Variants in CCDC171 observed in about 807,000 individuals in gnomAD.
CCDC171 encodes coiled-coil domain containing 171, also known as coiled-coil domain-containing protein 171.
Under a neutral mutation model 168.2 loss-of-function variants are expected in CCDC171, and 177 were observed. That is an observed-to-expected ratio of 1.05 (90% CI 0.93 to 1.19). CCDC171 has a LOEUF of 1.19. Ranked by LOEUF, CCDC171 falls within the 50% of genes most tolerant of loss-of-function variation. The pLI, the probability that CCDC171 is intolerant of heterozygous loss-of-function variation, is 0.00. For missense variants in CCDC171, 1,991 were observed against 1,539.0 expected (o/e 1.29, Z -4.91); for synonymous variants, 687 against 540.8 (o/e 1.27, Z -3.75).
downstream of CCDC171, among the ~76,000 whole-genome samples, chr9:15,974,553 A>G (rs1163232203): frequency 6.6e-6 from 1 of 152,218 alleles, no homozygotes; most frequent in Non-Finnish European, 1.5e-5. Context: ...TATATCACCT[A>G]TCACTATTAA....
chr9:15,582,640 C>G lies in CCDC171; in HGVS notation c.352+3617C>G, dbSNP rs549930908. 4.1e-4 allele frequency among the ~76,000 whole-genome samples: 62 copies of G among 152,174 alleles called. 1 individual carries two copies. In the South Asian group the frequency reaches 0.011, roughly 28 times the overall value. On this transcript the variant is annotated intron_variant, in intron 4 of 25. Transcript: ENST00000380701. ...AGTTCATGTCCTTTGCAGGGACATG[C>G]ATGAAGCTGGAAACCATCATTCTCC...
At chr9:15,747,117 C>T (rs1480015174) in intron 18 of CCDC171, among the ~76,000 whole-genome samples, 2 of 152,188 alleles carry the variant, frequency 1.3e-5, no homozygotes, top group Non-Finnish European at 2.9e-5. Flanking sequence ...TGGTTTTATG[C>T]TCACAGTGTA....
chr9:15,597,934 G>A (rs2042505891), intron 6 of CCDC171, among the ~76,000 whole-genome samples: 1 of 152,152 alleles, frequency 6.6e-6, no homozygotes, highest in Non-Finnish European at 1.5e-5. Flanking sequence ...TATTTGCATA[G>A]AGGTGTTTAT....
intron 21 of CCDC171, among the ~76,000 whole-genome samples, chr9:15,830,298 A>G (rs1016999254): frequency 1.3e-5 from 2 of 152,178 alleles, no homozygotes; most frequent in Admixed American, 6.5e-5. Context: ...ATTGAGATTT[A>G]TTTTAGTTTT....
downstream of CCDC171, among the ~76,000 whole-genome samples, chr9:15,975,013 C>T (rs1831577124): frequency 6.6e-6 from 1 of 152,116 alleles, no homozygotes; most frequent in South Asian, 2.1e-4. Flanking sequence ...AAGTGATCCT[C>T]CCACCTCAGC....
chr9:15,686,636 C>T (rs1010743002), intron 10 of CCDC171, among the ~76,000 whole-genome samples: 3 of 151,912 alleles, frequency 2.0e-5, no homozygotes, highest in Non-Finnish European at 2.9e-5. Context: ...ACAAAATAGA[C>T]TTTAGAATAA....
intron 6 of CCDC171, 141 bp from the exon 7 acceptor site, chr9:15,623,126 C>A: frequency 2.1e-6 from 1 of 480,058 alleles, no homozygotes; most frequent in Non-Finnish European, 3.6e-6. Context: ...TGGAAAATAT[C>A]TAGGCCTCTT....
chr9:15,864,900 T>G (rs888758530), intron 23 of CCDC171, among the ~76,000 whole-genome samples: 5 of 152,112 alleles, frequency 3.3e-5, no homozygotes, highest in Non-Finnish European at 5.9e-5. Context: ...GGCTGCATTC[T>G]TGAGGCTTTT....
chr9:16,010,861 A>C (rs1832850477), intron 3 of CCDC171, among the ~76,000 whole-genome samples: 2 of 152,094 alleles, frequency 1.3e-5, no homozygotes, highest in South Asian at 4.1e-4. Flanking sequence ...TTGCCCTAAA[A>C]GAGTATACAA....
chr9:15,922,015 G>T, intron 25 of CCDC171: 1 of 161,818 alleles, frequency 6.2e-6, no homozygotes, highest in Non-Finnish European at 1.4e-5. Context: ...CAATTGTTAC[G>T]CTACTGATAT....
chr9:15,908,446 A>C (rs1401419029), intron 24 of CCDC171, among the ~76,000 whole-genome samples: 1 of 143,902 alleles, frequency 6.9e-6, no homozygotes, highest in Non-Finnish European at 1.5e-5. Context: ...ATAGGTGGGA[A>C]TTGAACAATG....
chr9:15,817,575 G>A (rs566875298), intron 21 of CCDC171, among the ~76,000 whole-genome samples: 1 of 118,500 alleles, frequency 8.4e-6, no homozygotes, highest in East Asian at 2.1e-4. Context: ...AGGGTCCTAC[G>A]CCCACGGAGC....
intron 1 of CCDC171, among the ~76,000 whole-genome samples, chr9:15,553,806 A>C (rs1340063753): frequency 1.3e-5 from 2 of 152,062 alleles, no homozygotes; most frequent in Non-Finnish European, 2.9e-5. Flanking sequence ...GAAGCTGTAA[A>C]TTTTCTGCAG....
chr9:16,002,774 C>G (rs1267453572), intron 3 of CCDC171, among the ~76,000 whole-genome samples: 1 of 152,192 alleles, frequency 6.6e-6, no homozygotes, highest in Non-Finnish European at 1.5e-5. Context: ...TAAGTGCCCT[C>G]TGTAGTTGTA....
intron 21 of CCDC171, among the ~76,000 whole-genome samples, chr9:15,808,585 T>G (rs540223766): frequency 6.6e-6 from 1 of 152,350 alleles, no homozygotes; most frequent in South Asian, 2.1e-4. Context: ...GAATCATTGC[T>G]TGCTTTCAGA....
At chr9:15,963,685 C>A (rs1279879024) in intron 25 of CCDC171, among the ~76,000 whole-genome samples, 1 of 152,056 alleles carries the variant, frequency 6.6e-6, no homozygotes, top group Non-Finnish European at 1.5e-5. Context: ...AGTTTAGCAC[C>A]TTTTCGTATG....
intron 7 of CCDC171, among the ~76,000 whole-genome samples, chr9:15,625,714 C>T (rs1035219490): frequency 3.3e-5 from 5 of 152,212 alleles, no homozygotes; most frequent in Non-Finnish European, 7.3e-5. Context: ...GTTTTGGTTA[C>T]TGTAGCCTTG....
At chr9:15,607,894 T>G (rs1191669587) in intron 6 of CCDC171, among the ~76,000 whole-genome samples, 1 of 152,214 alleles carries the variant, frequency 6.6e-6, no homozygotes, top group Non-Finnish European at 1.5e-5. Flanking sequence ...CCATTTTCTG[T>G]TGTTTATAAC....
At chr9:15,616,521 C>T (rs1246073376) in intron 6 of CCDC171, among the ~76,000 whole-genome samples, 2 of 151,954 alleles carry the variant, frequency 1.3e-5, no homozygotes, top group Non-Finnish European at 2.9e-5. Flanking sequence ...GTTATAGACT[C>T]CATTTTGTTA....
Sources: gnomAD v4.1 joint callset for allele counts (sites outside exome capture counted in the v4.1 genomes callset) on GRCh38, gnomAD v4.1.1 for gene constraint, MANE v1.5 for transcripts, NCBI Gene and HGNC (gene_info 2026-07-23, HGNC 2026-07-21) for gene names.